Variants in C8orf34 observed in about 807,000 individuals in gnomAD.
C8orf34 encodes uncharacterized protein C8orf34.
A neutral mutation model predicts 68.3 loss-of-function variants in C8orf34; 65 were observed. That is an observed-to-expected ratio of 0.95 (90% CI 0.78 to 1.17). The LOEUF (loss-of-function observed/expected upper bound fraction) is 1.17. Ranked by LOEUF, C8orf34 falls within the 50% of genes most tolerant of loss-of-function variation. The pLI, the probability that C8orf34 is intolerant of heterozygous loss-of-function variation, is 0.00. For missense variants in C8orf34, 664 were observed against 655.4 expected (o/e 1.01, Z -0.14); for synonymous variants, 244 against 241.2 (o/e 1.01, Z -0.11).
At chr8:68,330,722 A>C, upstream of C8orf34, 1 of 329,560 alleles carries the variant, frequency 3.0e-6, no homozygotes, top group Non-Finnish European at 5.5e-6. Context: ...TAGGGCGAGC[A>C]GCCTCGGGGA....
At chr8:68,534,183 T>G in intron 7 of C8orf34, 1 of 985,378 alleles carries the variant, frequency 1.0e-6, no homozygotes, top group Non-Finnish European at 1.2e-6. Context: ...TGGTGACAGG[T>G]TTGAAAGATG....
At chr8:68,511,582 A>C (rs1814278411) in intron 5 of C8orf34, among the ~76,000 whole-genome samples, 1 of 152,176 alleles carries the variant, frequency 6.6e-6, no homozygotes, top group Non-Finnish European at 1.5e-5. Flanking sequence ...TTTTTACTGA[A>C]ACTAGAGGCA....
chr8:68,556,281 G>T (rs1359864734), intron 7 of C8orf34, among the ~76,000 whole-genome samples: 1 of 146,140 alleles, frequency 6.8e-6, no homozygotes, highest in African/African-American at 2.6e-5. Flanking sequence ...GCAGTATTAA[G>T]GAAGGAGGGA....
At chr8:68,680,942 C>T (rs1377105463) in intron 8 of C8orf34, among the ~76,000 whole-genome samples, 4 of 152,044 alleles carry the variant, frequency 2.6e-5, no homozygotes, top group African/African-American at 7.2e-5. Context: ...TAGACCTCCC[C>T]CCAGGAATGC....
chr8:68,660,727 G>A lies in C8orf34; in HGVS notation c.1241+20216G>A, dbSNP rs146164879. 8.0e-3 allele frequency among the ~76,000 whole-genome samples: 1,221 copies of A among 152,208 alleles called. 10 individuals carry two copies. The highest frequency in any genetic ancestry group is 0.014 in the Non-Finnish European group (931 of 68,004). ...AAAAATGTGCTTCAGGAGGGTTCAT[G>A]GACTCATTAAGTCCCAAGTGGCCCT... On this transcript the variant is annotated intron_variant, in intron 8 of 13. Transcript: ENST00000518698.
chr8:68,810,515 C>G (rs1824615158), intron 12 of C8orf34, among the ~76,000 whole-genome samples: 1 of 152,176 alleles, frequency 6.6e-6, no homozygotes, highest in Non-Finnish European at 1.5e-5. Context: ...CTCTTCTCTA[C>G]TTCTCGTAGC....
intron 10 of C8orf34, among the ~76,000 whole-genome samples, chr8:68,747,789 T>G (rs1177501997): frequency 6.6e-6 from 1 of 151,120 alleles, no homozygotes; most frequent in African/African-American, 2.4e-5. Flanking sequence ...AGAATCAATA[T>G]CGTGAAAATG....
At chr8:68,681,252 C>T (rs1585721088) in intron 8 of C8orf34, among the ~76,000 whole-genome samples, 2 of 152,188 alleles carry the variant, frequency 1.3e-5, no homozygotes, top group East Asian at 1.9e-4. Flanking sequence ...ATATCCTCAG[C>T]TTACGAAGAT....
chr8:68,474,100 C>T (rs1812496460), intron 4 of C8orf34, among the ~76,000 whole-genome samples: 1 of 152,130 alleles, frequency 6.6e-6, no homozygotes, highest in South Asian at 2.1e-4. Context: ...CTCATTCACC[C>T]TCCTCATTTA....
At chr8:68,558,128 A>T (rs1195275944) in intron 7 of C8orf34, among the ~76,000 whole-genome samples, 1 of 152,148 alleles carries the variant, frequency 6.6e-6, no homozygotes, top group African/African-American at 2.4e-5. Context: ...ATTAGTTCTG[A>T]ACTTTTTATA....
chr8:68,631,655 T>C (rs1193490393), intron 7 of C8orf34, among the ~76,000 whole-genome samples: 1 of 152,128 alleles, frequency 6.6e-6, no homozygotes, highest in Admixed American at 6.5e-5. Flanking sequence ...GTAATCCCCA[T>C]GTGTGGAGGG....
rs375206528 is a variant in C8orf34, at chr8:68,430,985, G to C, written c.328-8514G>C. ...GTTTTTCTACTCCTTACCACAAACTGATAAGGGAGATATTGTCCTACCAAC... is the reference window on the plus strand; with the variant it reads ...GTTTTTCTACTCCTTACCACAAACTCATAAGGGAGATATTGTCCTACCAAC... On this transcript the variant is annotated intron_variant, in intron 1 of 13. Transcript: ENST00000518698. 5.9e-5 allele frequency among the ~76,000 whole-genome samples: 9 copies of C among 152,188 alleles called. No homozygotes were observed. In the East Asian group the frequency reaches 1.2e-3, roughly 20 times the overall value.
chr8:68,382,746 C>T (rs914021994), intron 1 of C8orf34, among the ~76,000 whole-genome samples: 4 of 152,220 alleles, frequency 2.6e-5, no homozygotes, highest in African/African-American at 7.2e-5. Flanking sequence ...ATTCTCAGGA[C>T]TCAGTCCTAG....
In C8orf34 at chr8:68,439,557, A is replaced by G; in HGVS notation, c.386A>G (p.Asp129Gly). The G allele has an allele frequency of 6.2e-7, 1 of 1,613,774 alleles. No individual in the cohort carries two copies. The highest frequency in any genetic ancestry group is 1.3e-5 in the African/African-American group (1 of 75,024). ...TPDQPIPFLI[D>G]HLQSKQGNRG... ...GACCAGCCAATCCCATTTCTCATTG[A>G]CCATCTTCAGTCTAAACAAGGGAAC... The change falls in exon 2 of 14, where the codon GAC becomes GGC. Residue 129 changes from aspartate (D) to glycine (G), a missense_variant. Transcript: ENST00000518698.
At chr8:68,464,571 A>G in intron 3 of C8orf34, among the ~76,000 whole-genome samples, 1 of 152,176 alleles carries the variant, frequency 6.6e-6, no homozygotes, top group Non-Finnish European at 1.5e-5. Flanking sequence ...TACAGTAACC[A>G]AAACAGCATG....
chr8:68,499,133 G>T (rs1196990780), intron 5 of C8orf34, among the ~76,000 whole-genome samples: 3 of 152,116 alleles, frequency 2.0e-5, no homozygotes, highest in Non-Finnish European at 4.4e-5. Flanking sequence ...TTATGGCCAT[G>T]TGTGACTAAT....
intron 7 of C8orf34, among the ~76,000 whole-genome samples, chr8:68,557,542 GT>G (rs1563528767): frequency 2.6e-5 from 4 of 152,022 alleles, no homozygotes; most frequent in Admixed American, 6.6e-5. Context: ...TTTCTTTGCT[GT>G]CTGCCCACCC....
intron 8 of C8orf34, among the ~76,000 whole-genome samples, chr8:68,678,894 C>T (rs1335301618): frequency 7.6e-6 from 1 of 131,358 alleles, no homozygotes; most frequent in East Asian, 2.4e-4. Flanking sequence ...AACTGATAAA[C>T]AAAGTCAGTA....
At chr8:68,530,557 C>T in intron 6 of C8orf34, 1 of 1,100,418 alleles carries the variant, frequency 9.1e-7, no homozygotes, top group Non-Finnish European at 1.2e-6. Context: ...TAAAGTTGGT[C>T]AAGGAAGACT....
Sources: gnomAD v4.1 joint callset for allele counts (sites outside exome capture counted in the v4.1 genomes callset) on GRCh38, gnomAD v4.1.1 for gene constraint, MANE v1.5 for transcripts, NCBI Gene and HGNC (gene_info 2026-07-23, HGNC 2026-07-21) for gene names.